The following SHISA9 variants were observed in gnomAD, a reference collection of about 807,000 sequenced individuals.
SHISA9 encodes shisa family member 9.
A neutral mutation model predicts 38.0 loss-of-function variants in SHISA9; 13 were observed. The ratio of observed to expected loss-of-function variants is 0.34; its 90% confidence interval spans 0.22 to 0.54. The LOEUF (loss-of-function observed/expected upper bound fraction) is 0.54. SHISA9 is among the 20% of genes least tolerant of loss of function. The pLI, the probability that SHISA9 is intolerant of heterozygous loss-of-function variation, is 0.91. For synonymous variants in SHISA9, 275 were observed against 242.0 expected (o/e 1.14, Z -1.27); for missense variants, 538 against 575.8 (o/e 0.93, Z 0.67).
At chr16:13,142,988 CCTTTT>C (rs1429304600) in intron 2 of SHISA9, among the ~76,000 whole-genome samples, 1 of 52,246 alleles carries the variant, frequency 1.9e-5, no homozygotes, top group East Asian at 4.9e-4. Flanking sequence ...GTAGCTGTTT[CCTTTT>C]ATTTTATTTT....
intron 2 of SHISA9, among the ~76,000 whole-genome samples, chr16:13,109,641 A>AT (rs1596653607): frequency 6.6e-6 from 1 of 152,124 alleles, no homozygotes; most frequent in African/African-American, 2.4e-5. Flanking sequence ...GTGTGAGGAC[A>AT]TTTTTTGTCA....
chr16:13,206,647 C>A (rs557983002), intron 3 of SHISA9, among the ~76,000 whole-genome samples: 3 of 152,194 alleles, frequency 2.0e-5, no homozygotes, highest in Non-Finnish European at 4.4e-5. Context: ...AGTGACTGAG[C>A]CAAATTTATA....
chr16:13,515,530 G>A, the SHISA9 span, among the ~76,000 whole-genome samples: 651 of 152,140 alleles, frequency 4.3e-3, 35 homozygotes, highest in East Asian at 0.11. Context: ...AGACTCATAC[G>A]AGTGTCATAC....
intron 2 of SHISA9, among the ~76,000 whole-genome samples, chr16:13,178,604 C>T (rs372401584): frequency 6.6e-6 from 1 of 152,266 alleles, no homozygotes; most frequent in African/African-American, 2.4e-5. Context: ...GGAGAGTCCT[C>T]CCCGTCCCCA....
chr16:13,256,934 C>A, the SHISA9 span, among the ~76,000 whole-genome samples: 1 of 152,176 alleles, frequency 6.6e-6, no homozygotes, highest in East Asian at 1.9e-4. Flanking sequence ...TACACATACA[C>A]ACAATATGTT....
At chr16:13,250,302 C>A in the SHISA9 span, among the ~76,000 whole-genome samples, 1 of 152,044 alleles carries the variant, frequency 6.6e-6, no homozygotes, top group African/African-American at 2.4e-5. Flanking sequence ...GGAGTGGGGG[C>A]AGGAGGTACA....
chr16:12,975,637 G>C (rs1202402237), intron 2 of SHISA9, among the ~76,000 whole-genome samples: 1 of 150,416 alleles, frequency 6.6e-6, no homozygotes, highest in African/African-American at 2.5e-5. Context: ...AATGGTAAAT[G>C]GGTGGGGTGG....
At chr16:13,324,527 A>G in the SHISA9 span, among the ~76,000 whole-genome samples, 2 of 152,132 alleles carry the variant, frequency 1.3e-5, no homozygotes, top group African/African-American at 4.8e-5. Flanking sequence ...AATATTAGTT[A>G]AGTAATTTCA....
intron 2 of SHISA9, among the ~76,000 whole-genome samples, chr16:13,047,678 C>T (rs1224723391): frequency 2.0e-5 from 3 of 152,118 alleles, no homozygotes; most frequent in Non-Finnish European, 2.9e-5. Context: ...AAGAAATAAA[C>T]ATCTATCAAG....
chr16:13,049,379 C>A (rs1054212587), intron 2 of SHISA9, among the ~76,000 whole-genome samples: 2 of 152,110 alleles, frequency 1.3e-5, no homozygotes, highest in African/African-American at 4.8e-5. Flanking sequence ...GATTGTCTAT[C>A]AGGTGCCTAG....
At chr16:13,049,166 G>A (rs865907030) in intron 2 of SHISA9, among the ~76,000 whole-genome samples, 1 of 29,434 alleles carries the variant, frequency 3.4e-5, no homozygotes, top group East Asian at 1.2e-3. Flanking sequence ...ATGTGTGTGT[G>A]TGTGTGTGTG....
chr16:13,175,297 G>A (rs78668068), intron 2 of SHISA9, among the ~76,000 whole-genome samples: 24 of 152,346 alleles, frequency 1.6e-4, no homozygotes, highest in African/African-American at 5.8e-4. Context: ...GCTGAGGTGG[G>A]AGGATCGCTC....
rs1191162024 is a variant in SHISA9 at position 12,902,640 on chromosome 16, C to G, written c.563+13C>G. 13 of 1,530,482 alleles carry G rather than the reference C, an allele frequency of 8.5e-6. No homozygotes were observed. Among genetic ancestry groups the G allele is most frequent in the Non-Finnish European group, 1.1e-5 (13 of 1,136,714 alleles). The allele number at this position is 1,530,482 out of a possible 1,614,324, so 94.8% of individuals were successfully genotyped here. On this transcript the variant is annotated intron_variant, in intron 1 of 4. Transcript: ENST00000558583. ...AGCACATGTCCAGGTGGGCTGCCTC[C>G]CCTTCGCCCTCCCCTCGGGGCTTCG... is the stretch of plus-strand genomic sequence containing the variant.
chr16:13,219,239 C>A (rs1319608379), intron 4 of SHISA9, among the ~76,000 whole-genome samples: 1 of 152,186 alleles, frequency 6.6e-6, no homozygotes, highest in African/African-American at 2.4e-5. Flanking sequence ...GCTAACCCAG[C>A]CAGATCCTGT....
At chr16:13,272,103 A>G in the SHISA9 span, among the ~76,000 whole-genome samples, 11 of 151,696 alleles carry the variant, frequency 7.3e-5, no homozygotes, top group African/African-American at 2.7e-4. Flanking sequence ...GAGAGAGAGA[A>G]AATGTTCTAA....
chr16:13,369,606 C>T, the SHISA9 span, among the ~76,000 whole-genome samples: 1 of 151,780 alleles, frequency 6.6e-6, no homozygotes, highest in Non-Finnish European at 1.5e-5. Flanking sequence ...GACTAAACTG[C>T]TGCCGCTTCT....
chr16:13,360,472 C>T, the SHISA9 span, among the ~76,000 whole-genome samples: 4 of 152,154 alleles, frequency 2.6e-5, no homozygotes, highest in South Asian at 2.1e-4. Flanking sequence ...AGTAAGTTCT[C>T]ATGAGATCTG....
chr16:13,188,524 C>T (rs2050850740), intron 2 of SHISA9, among the ~76,000 whole-genome samples: 1 of 151,964 alleles, frequency 6.6e-6, no homozygotes, highest in African/African-American at 2.4e-5. Context: ...TCGAGACCAG[C>T]CTTGGAAACA....
the SHISA9 span, among the ~76,000 whole-genome samples, chr16:13,318,229 G>A: frequency 1.3e-5 from 2 of 152,142 alleles, no homozygotes; most frequent in African/African-American, 2.4e-5. Flanking sequence ...GCCATCCTGT[G>A]CATTGTAGGA....
Sources: gnomAD v4.1 joint callset for allele counts (sites outside exome capture counted in the v4.1 genomes callset) on GRCh38, gnomAD v4.1.1 for gene constraint, MANE v1.5 for transcripts, NCBI Gene and HGNC (gene_info 2026-07-23, HGNC 2026-07-21) for gene names.